PTTG1IP2: variants seen among roughly 807,000 people sequenced by gnomAD.
PTTG1IP2 encodes PTTG1IP family member 2.
chr7:90,498,170 C>T (rs959340833), intron 6 of PTTG1IP2, among the ~76,000 whole-genome samples: 6 of 152,052 alleles, frequency 3.9e-5, no homozygotes, highest in Admixed American at 6.6e-5. Flanking sequence ...GGACTACAGG[C>T]GCCCGCCACC....
intron 2 of PTTG1IP2, among the ~76,000 whole-genome samples, chr7:90,482,801 T>A (rs1004515708): frequency 6.6e-6 from 1 of 152,068 alleles, no homozygotes; most frequent in Non-Finnish European, 1.5e-5. Flanking sequence ...AGATACTAGG[T>A]TTTCTCCATA....
rs58088107 is a variant in PTTG1IP2, at chr7:90,484,046, A to T, written c.193-3281A>T. Among the ~76,000 whole-genome samples the T allele has an allele frequency of 2.8e-3, 427 of 149,964 alleles. 1 individual carries two copies. Among genetic ancestry groups the T allele is most frequent in the African/African-American group, 9.6e-3 (394 of 40,900 alleles). On this transcript the variant is annotated intron_variant, in intron 2 of 6. Coordinates refer to ENST00000509356, the MANE Select transcript of PTTG1IP2 (RefSeq NM_001365443.2). ...CTTTCTGGATAGTTTTTTTTTTTTT[A>T]AATCACATCATGCTCAAAATTTCTT... is the stretch of plus-strand genomic sequence containing the variant.
intron 1 of PTTG1IP2, among the ~76,000 whole-genome samples, chr7:90,473,889 G>A (rs369147498): frequency 2.6e-5 from 4 of 152,182 alleles, no homozygotes; most frequent in Admixed American, 2.0e-4. Flanking sequence ...GAATAAAATA[G>A]TATCTTCTGT....
intron 5 of PTTG1IP2, among the ~76,000 whole-genome samples, chr7:90,492,804 A>G (rs1797953516): frequency 6.6e-6 from 1 of 152,194 alleles, no homozygotes; most frequent in Non-Finnish European, 1.5e-5. Flanking sequence ...GTCTTCAGGA[A>G]TTCTTGCAGG....
intron 1 of PTTG1IP2, 23 bp downstream of exon 1, chr7:90,469,954 G>T (rs540631953): frequency 6.6e-6 from 1 of 152,632 alleles, no homozygotes; most frequent in Admixed American, 6.5e-5. Context: ...GAGTCCTGAG[G>T]TGGGTGCCCC....
At chr7:90,497,421 G>A (rs17867680) in intron 6 of PTTG1IP2, among the ~76,000 whole-genome samples, 17,957 of 151,848 alleles carry the variant, frequency 0.12, 1,274 homozygotes, top group Middle Eastern at 0.2. Flanking sequence ...AAAATTAGCC[G>A]GGCGTGGCGG....
intron 1 of PTTG1IP2, among the ~76,000 whole-genome samples, chr7:90,475,033 C>T (rs1797731286): frequency 6.6e-6 from 1 of 152,176 alleles, no homozygotes; most frequent in South Asian, 2.1e-4. Context: ...TTACTCATAG[C>T]ACAGCCAACA....
chr7:90,483,198 T>C (rs988327577), intron 2 of PTTG1IP2, among the ~76,000 whole-genome samples: 2 of 152,166 alleles, frequency 1.3e-5, no homozygotes, highest in African/African-American at 4.8e-5. Context: ...TTATTTCCCA[T>C]GGCAACTATT....
At chr7:90,470,792 C>T (rs1435290210) in intron 1 of PTTG1IP2, among the ~76,000 whole-genome samples, 2 of 152,032 alleles carry the variant, frequency 1.3e-5, no homozygotes, top group Admixed American at 1.3e-4. Flanking sequence ...TCTATACATA[C>T]TCTAAGAGAA....
chr7:90,472,888 T>G (rs1185383476), intron 1 of PTTG1IP2, among the ~76,000 whole-genome samples: 1 of 152,192 alleles, frequency 6.6e-6, no homozygotes, highest in African/African-American at 2.4e-5. Context: ...ATTACAGCAT[T>G]GACACTAAGG....
rs964799823 is a variant in PTTG1IP2, at chr7:90,513,364, A to G, written c.*137A>G. ...CCCTGAAGTTAAAATTTTAAATTCT[A>G]TTAAACATTTTTTCGAGTATTTCAT... On this transcript the variant is annotated 3_prime_UTR_variant, in exon 7 of 7. Transcript: ENST00000509356. The G allele has an allele frequency of 6.6e-5, 10 of 152,642 alleles. No homozygotes were observed. Among genetic ancestry groups the G allele is most frequent in the Non-Finnish European group, 1.3e-4 (9 of 68,038 alleles). 9.5% of individuals were successfully genotyped at this position (152,642 alleles called of 1,614,324 possible).
chr7:90,475,441 A>G (rs1362485902), intron 1 of PTTG1IP2, among the ~76,000 whole-genome samples: 1 of 152,266 alleles, frequency 6.6e-6, no homozygotes, highest in Admixed American at 6.5e-5. Context: ...ATTCTGGAAA[A>G]GATGATGAAT....
chr7:90,486,031 T>G (rs886858984), intron 2 of PTTG1IP2, among the ~76,000 whole-genome samples: 1 of 152,200 alleles, frequency 6.6e-6, no homozygotes, highest in Admixed American at 6.5e-5. Context: ...ACTGAATGGC[T>G]TGATTTGACC....
chr7:90,492,640 A>G (rs1204599748), intron 5 of PTTG1IP2, among the ~76,000 whole-genome samples: 2 of 152,168 alleles, frequency 1.3e-5, no homozygotes, highest in Admixed American at 1.3e-4. Flanking sequence ...TCCATGATAC[A>G]TTTTGGTAAC....
intron 2 of PTTG1IP2, among the ~76,000 whole-genome samples, chr7:90,481,668 C>T (rs1477951650): frequency 1.3e-5 from 2 of 152,106 alleles, no homozygotes; most frequent in Non-Finnish European, 2.9e-5. Context: ...GAAGAATACC[C>T]CCTGCACTTC....
intron 2 of PTTG1IP2, among the ~76,000 whole-genome samples, chr7:90,480,869 A>G (rs1487620770): frequency 6.6e-6 from 1 of 151,942 alleles, no homozygotes; most frequent in Non-Finnish European, 1.5e-5. Context: ...CATAGTCTGG[A>G]TTTTGCTGGT....
At chr7:90,473,539 T>C (rs1220569395) in intron 1 of PTTG1IP2, among the ~76,000 whole-genome samples, 2 of 152,136 alleles carry the variant, frequency 1.3e-5, no homozygotes, top group Non-Finnish European at 1.5e-5. Flanking sequence ...GAGGATGAAT[T>C]AATTGACTGA....
intron 1 of PTTG1IP2, among the ~76,000 whole-genome samples, chr7:90,476,188 G>A (rs1356234316): frequency 6.6e-6 from 1 of 152,016 alleles, no homozygotes; most frequent in Non-Finnish European, 1.5e-5. Context: ...AGAGTAGTAA[G>A]CAAAGAAACT....
chr7:90,480,399 C>T (rs1397283301), intron 2 of PTTG1IP2, among the ~76,000 whole-genome samples: 2 of 151,854 alleles, frequency 1.3e-5, no homozygotes, highest in African/African-American at 2.4e-5. Flanking sequence ...TTTTTGTTGT[C>T]GTTAAATGTT....
Sources: allele counts gnomAD v4.1 joint callset (sites outside exome capture counted in the v4.1 genomes callset), GRCh38; gene constraint gnomAD v4.1.1; transcripts MANE v1.5; gene names NCBI Gene and HGNC (gene_info 2026-07-23, HGNC 2026-07-21).